The following CCSER1 variants were observed in gnomAD, a reference collection of about 807,000 sequenced individuals.
CCSER1 encodes the protein coiled-coil serine rich protein 1, also known as serine-rich coiled-coil domain-containing protein 1.
In CCSER1, 41 loss-of-function variants were observed where a neutral mutation model predicts 82.0. That is an observed-to-expected ratio of 0.50 (90% CI 0.39 to 0.65). The LOEUF (loss-of-function observed/expected upper bound fraction) is 0.65, where lower values mean the gene tolerates loss of function less well. Ranked by LOEUF, CCSER1 falls within the 30% of genes least tolerant of loss-of-function variation. The pLI, the probability that CCSER1 is intolerant of heterozygous loss-of-function variation, is 0.00. For missense variants in CCSER1, 1,119 were observed against 1,064.2 expected (o/e 1.05, Z -0.72); for synonymous variants, 414 against 383.9 (o/e 1.08, Z -0.92).
intron 1 of CCSER1, among the ~76,000 whole-genome samples, chr4:90,257,744 T>C (rs189011806): frequency 1.6e-3 from 251 of 152,258 alleles, no homozygotes; most frequent in African/African-American, 5.4e-3. Context: ...GTCAATTACA[T>C]AGTTCCAGTC....
intron 6 of CCSER1, among the ~76,000 whole-genome samples, chr4:90,667,696 T>C (rs1732060826): frequency 6.6e-6 from 1 of 152,192 alleles, no homozygotes; most frequent in African/African-American, 2.4e-5. Flanking sequence ...GGTTGCATAG[T>C]ATCCCATGGT....
chr4:90,615,614 T>G (rs563676797), intron 5 of CCSER1, among the ~76,000 whole-genome samples: 5 of 151,850 alleles, frequency 3.3e-5, no homozygotes, highest in African/African-American at 1.2e-4. Context: ...ACCCTGAATA[T>G]GTAACTGAAT....
intron 10 of CCSER1, among the ~76,000 whole-genome samples, chr4:91,135,796 T>C (rs1045499245): frequency 6.6e-6 from 1 of 152,170 alleles, no homozygotes; most frequent in Non-Finnish European, 1.5e-5. Context: ...GGGTGCAGCA[T>C]GAAGGGAGTT....
intron 10 of CCSER1, among the ~76,000 whole-genome samples, chr4:91,396,282 A>G (rs1369163991): frequency 6.6e-6 from 1 of 152,126 alleles, no homozygotes; most frequent in African/African-American, 2.4e-5. Flanking sequence ...AAATGGTCAG[A>G]TAAGTGGTAA....
chr4:90,299,766 C>T (rs972923777), intron 1 of CCSER1, among the ~76,000 whole-genome samples: 3 of 152,022 alleles, frequency 2.0e-5, no homozygotes, highest in Non-Finnish European at 4.4e-5. Flanking sequence ...GTAGAAAGAG[C>T]CTGGACTGCA....
At chr4:91,199,573 C>T (rs746113311) in intron 10 of CCSER1, among the ~76,000 whole-genome samples, 4 of 151,754 alleles carry the variant, frequency 2.6e-5, no homozygotes, top group Non-Finnish European at 5.9e-5. Flanking sequence ...ATTTTCAAGC[C>T]ATTTGGAGCT....
chr4:91,030,475 G>A (rs1186667656), intron 9 of CCSER1, among the ~76,000 whole-genome samples: 4 of 152,030 alleles, frequency 2.6e-5, no homozygotes, highest in Non-Finnish European at 5.9e-5. Context: ...GCACAGCTCT[G>A]GACAGACAGT....
At chr4:90,429,432 T>C (rs1757979005) in intron 4 of CCSER1, among the ~76,000 whole-genome samples, 1 of 151,864 alleles carries the variant, frequency 6.6e-6, no homozygotes, top group Admixed American at 6.6e-5. Context: ...GCATGTAATG[T>C]TTATAAGCAT....
chr4:91,449,572 C>G (rs1755759674), intron 10 of CCSER1, among the ~76,000 whole-genome samples: 1 of 151,866 alleles, frequency 6.6e-6, no homozygotes, highest in Non-Finnish European at 1.5e-5. Context: ...CTGAACTTCA[C>G]CATGGAAATT....
chr4:90,391,475 TATATATATATAC>T (rs1273840016), intron 3 of CCSER1, among the ~76,000 whole-genome samples: 50 of 90,696 alleles, frequency 5.5e-4, no homozygotes, highest in Admixed American at 1.3e-3. Flanking sequence ...TATATATATA[TATATATATATAC>T]ACACACACAG....
chr4:90,358,383 T>C (rs1191961107), intron 3 of CCSER1, among the ~76,000 whole-genome samples: 1 of 152,144 alleles, frequency 6.6e-6, no homozygotes. Context: ...ATGACTTTGG[T>C]CAGATTACTT....
chr4:91,519,678 C>T (rs1379689587), intron 10 of CCSER1, among the ~76,000 whole-genome samples: 3 of 152,168 alleles, frequency 2.0e-5, no homozygotes, highest in Non-Finnish European at 2.9e-5. Context: ...AATGTGGGTC[C>T]TTGGCATCTC....
intron 9 of CCSER1, among the ~76,000 whole-genome samples, chr4:91,025,098 C>T (rs1276289416): frequency 6.6e-6 from 1 of 152,096 alleles, no homozygotes; most frequent in Non-Finnish European, 1.5e-5. Flanking sequence ...CAGCTTTTTA[C>T]AAAGCCTTTG....
intron 5 of CCSER1, among the ~76,000 whole-genome samples, chr4:90,512,416 CAT>C (rs1266130155): frequency 7.9e-5 from 12 of 151,796 alleles, no homozygotes; most frequent in South Asian, 6.2e-4. Flanking sequence ...ATCAATATAA[CAT>C]GTGTTAGATA....
intron 8 of CCSER1, among the ~76,000 whole-genome samples, chr4:90,909,578 T>G (rs528926473): frequency 5.9e-5 from 9 of 152,310 alleles, no homozygotes; most frequent in African/African-American, 1.7e-4. Flanking sequence ...AATCAGAGTT[T>G]CTATCATGCC....
chr4:90,468,248 T>C lies in CCSER1; in HGVS notation c.1618T>C (p.Ser540Pro), dbSNP rs2153588077. The change falls in exon 5 of 11, where the codon TCA becomes CCA. Residue 540 changes from serine (S) to proline (P), a missense_variant. By Grantham distance (74) the Ser-to-Pro change is moderately conservative. Coordinates refer to ENST00000509176, the MANE Select transcript of CCSER1 (RefSeq NM_001145065.2). Reference protein sequence around the residue: ...SLHPSVCREDSYHSVVSCAAV... With the variant: ...SLHPSVCREDPYHSVVSCAAV... ...TTTTTGAACAGTTTGCCGGGAGGACTCATATCACTCTGTCGTCTCATGTGC... is the reference window on the plus strand; with the variant it reads ...TTTTTGAACAGTTTGCCGGGAGGACCCATATCACTCTGTCGTCTCATGTGC... 1 of 1,600,494 alleles carries C rather than the reference T, an allele frequency of 6.2e-7. No homozygotes were observed. Among genetic ancestry groups the C allele is most frequent in the East Asian group, 2.2e-5 (1 of 44,590 alleles).
intron 4 of CCSER1, among the ~76,000 whole-genome samples, chr4:90,430,454 GA>G (rs1758115545): frequency 6.6e-6 from 1 of 151,756 alleles, no homozygotes; most frequent in Non-Finnish European, 1.5e-5. Flanking sequence ...CATTAAAAGG[GA>G]AATCAATCCA....
chr4:91,130,750 A>G (rs1727919688), intron 10 of CCSER1, among the ~76,000 whole-genome samples: 1 of 151,880 alleles, frequency 6.6e-6, no homozygotes, highest in African/African-American at 2.4e-5. Flanking sequence ...AGTAATTACC[A>G]ACTGTTCCAC....
intron 10 of CCSER1, among the ~76,000 whole-genome samples, chr4:91,115,277 C>G (rs1726446863): frequency 6.6e-6 from 1 of 152,090 alleles, no homozygotes; most frequent in Non-Finnish European, 1.5e-5. Context: ...ATAAAATGTA[C>G]CCAGTTTGTA....
Sources: gnomAD v4.1 joint callset for allele counts (sites outside exome capture counted in the v4.1 genomes callset) on GRCh38, gnomAD v4.1.1 for gene constraint, MANE v1.5 for transcripts, NCBI Gene and HGNC (gene_info 2026-07-23, HGNC 2026-07-21) for gene names.